Variants in PPP2R3A observed in about 807,000 individuals in gnomAD.
The protein encoded by PPP2R3A is protein phosphatase 2 regulatory subunit B''alpha.
PPP2R3A carries 80 observed loss-of-function variants against 106.9 expected under a neutral mutation model. The ratio of observed to expected loss-of-function variants is 0.75; its 90% confidence interval spans 0.62 to 0.90. The LOEUF (loss-of-function observed/expected upper bound fraction) is 0.90, where lower values mean the gene tolerates loss of function less well. Ranked by LOEUF, PPP2R3A falls within the 40% of genes least tolerant of loss-of-function variation. The pLI is 0.00. For missense variants in PPP2R3A, 1,386 were observed against 1,350.4 expected (o/e 1.03, Z -0.41); for synonymous variants, 483 against 468.3 (o/e 1.03, Z -0.41).
At chr3:136,129,783 G>A (rs566238572) in intron 13 of PPP2R3A, among the ~76,000 whole-genome samples, 5 of 152,240 alleles carry the variant, frequency 3.3e-5, no homozygotes, top group African/African-American at 4.8e-5. Context: ...CTGGCAGGCC[G>A]AACCCAGCAG....
At chr3:136,023,272 C>G in intron 2 of PPP2R3A, 1 of 1,332,644 alleles carries the variant, frequency 7.5e-7, no homozygotes, top group Non-Finnish European at 1.0e-6. Context: ...ACTAATAAAA[C>G]CATCCAGTGA....
chr3:136,077,209 G>A (rs1400443825), intron 6 of PPP2R3A, among the ~76,000 whole-genome samples: 1 of 152,082 alleles, frequency 6.6e-6, no homozygotes, highest in African/African-American at 2.4e-5. Context: ...GATAGCAGGG[G>A]TGGGGTAGTG....
At chr3:135,967,244 G>C (rs1418243587) in intron 1 of PPP2R3A, among the ~76,000 whole-genome samples, 1 of 152,072 alleles carries the variant, frequency 6.6e-6, no homozygotes, top group Non-Finnish European at 1.5e-5. Flanking sequence ...CTAGGAGAAC[G>C]GGGAAACAGA....
chr3:136,064,569 T>C (rs964915890), intron 5 of PPP2R3A, among the ~76,000 whole-genome samples: 5 of 152,310 alleles, frequency 3.3e-5, no homozygotes, highest in African/African-American at 9.6e-5. Context: ...ATGAAAATTG[T>C]TTCCATAATT....
At chr3:136,023,290 C>T in intron 2 of PPP2R3A, 1 of 1,139,744 alleles carries the variant, frequency 8.8e-7, no homozygotes, top group Non-Finnish European at 1.2e-6. Context: ...TGAACTAACT[C>T]ACAAGTAATT....
chr3:135,996,094 TG>T (rs1275303425), intron 1 of PPP2R3A, among the ~76,000 whole-genome samples: 3 of 152,200 alleles, frequency 2.0e-5, no homozygotes, highest in Non-Finnish European at 4.4e-5. Context: ...CAGTTCTGCC[TG>T]ACCAATAGGG....
intron 4 of PPP2R3A, among the ~76,000 whole-genome samples, chr3:136,043,085 A>G (rs7621331): frequency 0.27 from 40,403 of 151,738 alleles, 5,736 homozygotes; most frequent in Non-Finnish European, 0.32. Context: ...ACATTTTGGA[A>G]AATACATATA....
chr3:136,084,901 T>A (rs2107934934), intron 8 of PPP2R3A, among the ~76,000 whole-genome samples: 1 of 152,372 alleles, frequency 6.6e-6, no homozygotes, highest in African/African-American at 2.4e-5. Flanking sequence ...AATGCCTGTA[T>A]CCCTGTTGTA....
chr3:136,039,867 G>A (rs1523593), intron 3 of PPP2R3A, among the ~76,000 whole-genome samples: 55,565 of 151,852 alleles, frequency 0.37, 11,727 homozygotes, highest in African/African-American at 0.59. Flanking sequence ...TAATTGAAAG[G>A]AAGAGCTTTT....
chr3:136,101,888 C>G (rs1170309552), intron 10 of PPP2R3A, 119 bp from the exon 11 acceptor site: 8 of 1,088,222 alleles, frequency 7.4e-6, no homozygotes, highest in South Asian at 2.1e-5. Context: ...CTTTGTAAAA[C>G]TATATCTAAG....
Position 136,084,009 on chromosome 3 carries a change from TAAAA to T in PPP2R3A, c.2788+1590_2788+1593del, listed in dbSNP as rs112662822. ...TGCTGCCTGATAATGCAGTAGAAAA[TAAAA>T]ACCCATTTTCCGGGGAGAAATTCAA... On this transcript the variant is annotated intron_variant, in intron 8 of 13. Transcript: ENST00000264977. Among the ~76,000 whole-genome samples the T allele has an allele frequency of 7.4e-3, 1,120 of 152,264 alleles. 21 individuals are homozygous for T. The highest frequency in any genetic ancestry group is 0.024 in the African/African-American group (1,012 of 41,552).
At chr3:136,084,843 C>G (rs1004768868) in intron 8 of PPP2R3A, among the ~76,000 whole-genome samples, 8 of 152,108 alleles carry the variant, frequency 5.3e-5, no homozygotes, top group African/African-American at 1.9e-4. Context: ...GGCCTGTAGC[C>G]CCTTTGTTTT....
At chr3:136,017,292 T>C (rs1052437731) in intron 2 of PPP2R3A, among the ~76,000 whole-genome samples, 1 of 152,236 alleles carries the variant, frequency 6.6e-6, no homozygotes, top group Non-Finnish European at 1.5e-5. Flanking sequence ...TGACTGTGCC[T>C]AGGCGATGAT....
At chr3:136,136,444 T>C (rs1267195224) in intron 13 of PPP2R3A, among the ~76,000 whole-genome samples, 1 of 152,138 alleles carries the variant, frequency 6.6e-6, no homozygotes, top group African/African-American at 2.4e-5. Flanking sequence ...TTTTACTGCT[T>C]GACACAGTAA....
chr3:135,966,338 C>G (rs1410133234), intron 1 of PPP2R3A, among the ~76,000 whole-genome samples: 2 of 152,212 alleles, frequency 1.3e-5, no homozygotes, highest in Non-Finnish European at 2.9e-5. Context: ...CTCGGCCCGA[C>G]TTGGCCAAAG....
At chr3:136,138,111 A>C (rs191623534) in intron 13 of PPP2R3A, among the ~76,000 whole-genome samples, 15 of 152,356 alleles carry the variant, frequency 9.8e-5, no homozygotes, top group Admixed American at 3.3e-4. Context: ...ATAATATTAC[A>C]GATATATGAG....
intron 6 of PPP2R3A, among the ~76,000 whole-genome samples, 173 bp from the exon 7 acceptor site, chr3:136,078,194 A>G (rs1936658293): frequency 6.6e-6 from 1 of 152,252 alleles, no homozygotes; most frequent in Non-Finnish European, 1.5e-5. Flanking sequence ...CAAATCCAAA[A>G]TATATAGATG....
intron 10 of PPP2R3A, among the ~76,000 whole-genome samples, chr3:136,090,936 G>A (rs1027142030): frequency 7.9e-5 from 12 of 152,304 alleles, no homozygotes; most frequent in Non-Finnish European, 1.2e-4. Flanking sequence ...AAGCATTCAT[G>A]TGGAATATGG....
intron 6 of PPP2R3A, among the ~76,000 whole-genome samples, chr3:136,073,907 A>G (rs1019768670): frequency 6.6e-6 from 1 of 152,244 alleles, no homozygotes; most frequent in African/African-American, 2.4e-5. Context: ...GTTAGACATA[A>G]AAGTGACCAA....
Sources: allele counts gnomAD v4.1 joint callset (sites outside exome capture counted in the v4.1 genomes callset), GRCh38; gene constraint gnomAD v4.1.1; transcripts MANE v1.5; gene names NCBI Gene and HGNC (gene_info 2026-07-23, HGNC 2026-07-21).